The following COBL variants were observed in gnomAD, a reference collection of about 807,000 sequenced individuals.
The protein encoded by COBL is protein cordon-bleu.
COBL carries 51 observed loss-of-function variants against 98.8 expected under a neutral mutation model. The observed-to-expected ratio is 0.52, with a 90% CI of 0.41 to 0.65. The LOEUF (loss-of-function observed/expected upper bound fraction) is 0.65, where lower values mean the gene tolerates loss of function less well. Among genes scored for constraint, COBL ranks in the 30% least tolerant of loss-of-function variants. COBL has a pLI of 0.00. For synonymous variants in COBL, 634 were observed against 651.7 expected (o/e 0.97, Z 0.41); for missense variants, 1,617 against 1,617.5 (o/e 1.00, Z 0.01).
intron 1 of COBL, among the ~76,000 whole-genome samples, chr7:51,314,196 C>T (rs1403360614): frequency 6.6e-6 from 1 of 152,182 alleles, no homozygotes; most frequent in Non-Finnish European, 1.5e-5. Context: ...GGTGAAATCT[C>T]GTTAATTCAC....
intron 4 of COBL, among the ~76,000 whole-genome samples, chr7:51,190,181 A>G (rs1219154638): frequency 6.6e-6 from 1 of 152,202 alleles, no homozygotes; most frequent in Non-Finnish European, 1.5e-5. Context: ...TGGGAACAGC[A>G]GTTAATGGCA....
At chr7:51,212,456 T>A (rs1262878830) in intron 2 of COBL, among the ~76,000 whole-genome samples, 1 of 152,170 alleles carries the variant, frequency 6.6e-6, no homozygotes, top group African/African-American at 2.4e-5. Context: ...CATCAGACCC[T>A]GGCCAATTAA....
chr7:51,067,630 A>G (rs1250876586), intron 7 of COBL, among the ~76,000 whole-genome samples: 1 of 152,112 alleles, frequency 6.6e-6, no homozygotes. Flanking sequence ...CTGAGCACAG[A>G]CCCTTCTTAG....
intron 1 of COBL, among the ~76,000 whole-genome samples, chr7:51,311,278 A>G (rs940377018): frequency 4.6e-5 from 7 of 152,208 alleles, no homozygotes; most frequent in African/African-American, 1.7e-4. Context: ...AGCAGAGGGA[A>G]GCGTGCTAAC....
rs1803641925 is a variant in COBL at position 51,316,654 on chromosome 7, G to A, written c.-21C>T. ...TCCATGGTGCCGGGGGCCGGGACGC[G>A]GGCGGTGCTCCGGGCCCGCCGAGTC... On this transcript the variant is annotated 5_prime_UTR_variant, in exon 1 of 13. Coordinates refer to ENST00000265136, the MANE Select transcript of COBL (RefSeq NM_015198.5). 1.7e-6 allele frequency: 2 copies of A among 1,193,628 alleles called. No individual in the cohort carries two copies. Among genetic ancestry groups the A allele is most frequent in the African/African-American group, 1.6e-5 (1 of 62,738 alleles). 73.9% of individuals were successfully genotyped at this position (1,193,628 alleles called of 1,614,324 possible).
intron 2 of COBL, among the ~76,000 whole-genome samples, chr7:51,214,659 C>T (rs1376290156): frequency 6.6e-6 from 1 of 152,188 alleles, no homozygotes; most frequent in East Asian, 1.9e-4. Context: ...CAACATGTAC[C>T]CTGGGGGCCC....
chr7:51,187,614 G>A (rs532960683), intron 4 of COBL, among the ~76,000 whole-genome samples: 1 of 152,272 alleles, frequency 6.6e-6, no homozygotes, highest in African/African-American at 2.4e-5. Context: ...CACCACTTCT[G>A]ATCTGCCCTG....
At position 51,088,948 on chromosome 7, in the gene COBL, T is replaced by A. The variant is rs141694510; in HGVS notation, c.958-3644A>T. Among the ~76,000 whole-genome samples the A allele has an allele frequency of 1.3e-5, 2 of 152,176 alleles. 1 individual carries two copies. The highest frequency in any genetic ancestry group is 4.1e-4 in the South Asian group (2 of 4,820). On this transcript the variant is annotated intron_variant, in intron 6 of 12. Coordinates refer to ENST00000265136, the MANE Select transcript of COBL (RefSeq NM_015198.5). The stretch of plus-strand genomic sequence containing the variant: ...GGTGCAGACTTGGTTGTGCCTGATG[T>A]CCTGAAGTCAGAGCCTCTTAGTTCT...
At chr7:51,115,197 T>C (rs1218174239) in intron 6 of COBL, among the ~76,000 whole-genome samples, 1 of 152,210 alleles carries the variant, frequency 6.6e-6, no homozygotes, top group African/African-American at 2.4e-5. Flanking sequence ...TCTAGATATG[T>C]TGATCATATG....
chr7:51,111,439 G>A (rs1796813252), intron 6 of COBL, among the ~76,000 whole-genome samples: 1 of 152,190 alleles, frequency 6.6e-6, no homozygotes, highest in South Asian at 2.1e-4. Context: ...AAAGAAGCTT[G>A]GTTTGTATTC....
chr7:51,123,696 C>A (rs1583871587), intron 6 of COBL, among the ~76,000 whole-genome samples: 2 of 152,220 alleles, frequency 1.3e-5, no homozygotes, highest in East Asian at 3.8e-4. Flanking sequence ...TCTCAACCAG[C>A]AAATGCATGA....
At chr7:51,230,071 C>G (rs1267984174) in intron 1 of COBL, among the ~76,000 whole-genome samples, 1 of 152,110 alleles carries the variant, frequency 6.6e-6, no homozygotes, top group African/African-American at 2.4e-5. Context: ...TGGTTGACCT[C>G]GCTCCCCCAG....
chr7:51,284,459 G>T (rs554158340), intron 1 of COBL, among the ~76,000 whole-genome samples: 100 of 151,562 alleles, frequency 6.6e-4, no homozygotes, highest in African/African-American at 2.4e-3. Context: ...GCAAAGACAA[G>T]CATTTGATAT....
intron 5 of COBL, among the ~76,000 whole-genome samples, chr7:51,159,313 T>C (rs1191812304): frequency 3.9e-5 from 6 of 152,214 alleles, no homozygotes; most frequent in African/African-American, 1.2e-4. Context: ...TAGATGTATC[T>C]TGAAGGCGAC....
chr7:51,274,528 G>A (rs1362338595), intron 1 of COBL, among the ~76,000 whole-genome samples: 1 of 152,230 alleles, frequency 6.6e-6, no homozygotes, highest in Non-Finnish European at 1.5e-5. Context: ...GTACCCCACA[G>A]AATGGATGTC....
At chr7:51,146,665 G>C (rs1238182554) in intron 5 of COBL, among the ~76,000 whole-genome samples, 1 of 131,612 alleles carries the variant, frequency 7.6e-6, no homozygotes, top group Non-Finnish European at 1.6e-5. Context: ...GGCGGGGGGA[G>C]GGGGGCAATA....
chr7:51,053,287 C>T (rs761913530), intron 7 of COBL, among the ~76,000 whole-genome samples: 10 of 152,138 alleles, frequency 6.6e-5, no homozygotes, highest in Non-Finnish European at 8.8e-5. Context: ...TAGATCTCTA[C>T]GGATGATAAG....
chr7:51,049,585 A>G (rs1292345179), intron 7 of COBL, among the ~76,000 whole-genome samples: 1 of 152,232 alleles, frequency 6.6e-6, no homozygotes, highest in Non-Finnish European at 1.5e-5. Flanking sequence ...GGATTCATGG[A>G]CAATACCACA....
At chr7:51,027,570 G>A (rs1216727625) in intron 10 of COBL, 142 bp downstream of exon 10, 1 of 714,358 alleles carries the variant, frequency 1.4e-6, no homozygotes, top group African/African-American at 1.8e-5. Context: ...GGGAATTCTA[G>A]TTAAAATGAA....
Sources: allele counts gnomAD v4.1 joint callset (sites outside exome capture counted in the v4.1 genomes callset), GRCh38; gene constraint gnomAD v4.1.1; transcripts MANE v1.5; gene names NCBI Gene and HGNC (gene_info 2026-07-23, HGNC 2026-07-21).